GRM8: variants seen among roughly 807,000 people sequenced by gnomAD.
GRM8 encodes glutamate metabotropic receptor 8.
GRM8 carries 47 observed loss-of-function variants against 87.2 expected under a neutral mutation model. That is an observed-to-expected ratio of 0.54 (90% CI 0.43 to 0.69). GRM8 has a LOEUF of 0.69. GRM8 is among the 30% of genes least tolerant of loss of function. The pLI, the probability that GRM8 is intolerant of heterozygous loss-of-function variation, is 0.00. For missense variants in GRM8, 1,019 were observed against 1,139.2 expected, an observed-to-expected ratio of 0.89 and a Z score of 1.52; for synonymous variants, 396 against 404.5, an observed-to-expected ratio of 0.98 and a Z score of 0.25.
intron 2 of GRM8, among the ~76,000 whole-genome samples, chr7:127,202,338 T>A (rs151195712): frequency 6.3e-4 from 96 of 152,210 alleles, no homozygotes; most frequent in Middle Eastern, 3.4e-3. Flanking sequence ...CCACCACACC[T>A]GGCTAATTTC....
At chr7:127,097,359 C>T (rs1360427349) in intron 3 of GRM8, among the ~76,000 whole-genome samples, 1 of 152,172 alleles carries the variant, frequency 6.6e-6, no homozygotes, top group Non-Finnish European at 1.5e-5. Flanking sequence ...GGGTAGAATA[C>T]TTAGCCCAGA....
intron 7 of GRM8, among the ~76,000 whole-genome samples, chr7:126,721,314 C>G (rs560501725): frequency 6.6e-6 from 1 of 152,158 alleles, no homozygotes; most frequent in Non-Finnish European, 1.5e-5. Context: ...TACTGAAGTG[C>G]AGCCATCACT....
rs1554444586 is a variant in GRM8, at chr7:126,474,268, G to GTGTGTA, written c.2431-27897_2431-27896insTACACA. ...TTTGTGCATGTGTGTGTGTGTGTGT[G>GTGTGTA]TATATATATATATATTTGGAGACAG... On this transcript the variant is annotated intron_variant, in intron 9 of 10. Transcript: ENST00000339582. Among the ~76,000 whole-genome samples, 1,089 of 150,278 alleles carry GTGTGTA rather than the reference G, an allele frequency of 7.2e-3. 13 individuals are homozygous for GTGTGTA. The highest frequency in any genetic ancestry group is 0.035 in the Middle Eastern group (10 of 288).
At chr7:126,887,926 C>T (rs1800654827) in intron 6 of GRM8, among the ~76,000 whole-genome samples, 1 of 152,040 alleles carries the variant, frequency 6.6e-6, no homozygotes, top group African/African-American at 2.4e-5. Context: ...TAAACTTTTG[C>T]ACCAATTAAT....
At chr7:126,822,269 T>G (rs1794363761) in intron 6 of GRM8, among the ~76,000 whole-genome samples, 1 of 152,168 alleles carries the variant, frequency 6.6e-6, no homozygotes, top group African/African-American at 2.4e-5. Context: ...AACTCTCTTG[T>G]CATTTAAAGT....
At chr7:127,248,888 C>T (rs549593950) in intron 1 of GRM8, among the ~76,000 whole-genome samples, 9 of 152,228 alleles carry the variant, frequency 5.9e-5, no homozygotes, top group South Asian at 4.1e-4. Context: ...CTGGAAAGGA[C>T]GCAAGAAGAA....
intron 3 of GRM8, among the ~76,000 whole-genome samples, chr7:126,907,220 G>A (rs1802786094): frequency 6.8e-6 from 1 of 148,036 alleles, no homozygotes; most frequent in Admixed American, 6.8e-5. Context: ...AGGAAGAGAT[G>A]GAGGAGGAGG....
In GRM8 at chr7:126,560,625, T is replaced by C. The variant is rs576066563; in HGVS notation, c.1495-26738A>G. On this transcript the variant is annotated intron_variant, in intron 8 of 10. Coordinates refer to ENST00000339582, the MANE Select transcript of GRM8 (RefSeq NM_000845.3). ...TGGTAAATAGGCCTTATATAATAAA[T>C]ACATTATTTTCTATAACAGATTTCT... Among the ~76,000 whole-genome samples, 9 of 152,292 alleles carry C rather than the reference T, an allele frequency of 5.9e-5. No individual in the cohort carries two copies. The South Asian group carries it at 1.7e-3, about 28-fold the overall frequency.
At chr7:127,051,762 A>G in intron 3 of GRM8, among the ~76,000 whole-genome samples, 1 of 150,434 alleles carries the variant, frequency 6.6e-6, no homozygotes, top group African/African-American at 2.4e-5. Flanking sequence ...AAAAAAAAAA[A>G]AAAGCAGGTT....
At chr7:126,506,550 C>T (rs570826630) in intron 9 of GRM8, among the ~76,000 whole-genome samples, 5 of 152,048 alleles carry the variant, frequency 3.3e-5, no homozygotes, top group Non-Finnish European at 2.9e-5. Flanking sequence ...GAGGCCCAGG[C>T]GGGCAGATCA....
At chr7:127,009,846 CT>C (rs112101017) in intron 3 of GRM8, among the ~76,000 whole-genome samples, 1,878 of 150,958 alleles carry the variant, frequency 0.012, 40 homozygotes, top group African/African-American at 0.043. Flanking sequence ...ATCTATATGT[CT>C]TTTTTTTTCT....
intron 9 of GRM8, among the ~76,000 whole-genome samples, chr7:126,478,872 G>A (rs1303676505): frequency 1.3e-5 from 2 of 152,008 alleles, no homozygotes; most frequent in Non-Finnish European, 2.9e-5. Flanking sequence ...TTATGATAAA[G>A]AATATGAAGA....
intron 7 of GRM8, among the ~76,000 whole-genome samples, chr7:126,664,811 G>T (rs1805587850): frequency 6.6e-6 from 1 of 152,010 alleles, no homozygotes; most frequent in Non-Finnish European, 1.5e-5. Flanking sequence ...CACAGCAAAA[G>T]AAACTATCAA....
At chr7:127,045,311 GTT>G (rs1216209727) in intron 3 of GRM8, among the ~76,000 whole-genome samples, 19 of 142,198 alleles carry the variant, frequency 1.3e-4, no homozygotes, top group African/African-American at 4.4e-4. Flanking sequence ...ATTATCTGGA[GTT>G]TTTTTTTTTT....
chr7:127,018,775 G>C (rs1815967690), intron 3 of GRM8, among the ~76,000 whole-genome samples: 1 of 151,736 alleles, frequency 6.6e-6, no homozygotes, highest in African/African-American at 2.4e-5. Flanking sequence ...TTGAACAACA[G>C]GTTGGAAGTG....
intron 1 of GRM8, among the ~76,000 whole-genome samples, chr7:127,245,463 A>AT (rs560189461): frequency 3.3e-4 from 51 of 152,374 alleles, no homozygotes; most frequent in South Asian, 2.3e-3. Context: ...ATGGCTTTCA[A>AT]TTATAGACGA....
intron 3 of GRM8, among the ~76,000 whole-genome samples, chr7:126,969,170 T>G (rs775890014): frequency 2.6e-5 from 4 of 152,146 alleles, no homozygotes; most frequent in Non-Finnish European, 5.9e-5. Context: ...GCCCCAATGT[T>G]GATGGCTGCT....
At chr7:127,101,188 C>T (rs1170357803) in intron 3 of GRM8, among the ~76,000 whole-genome samples, 3 of 152,170 alleles carry the variant, frequency 2.0e-5, no homozygotes, top group African/African-American at 7.2e-5. Context: ...TCACAAATGA[C>T]CCCCAAGTCT....
chr7:126,738,001 G>C (rs769456324), intron 7 of GRM8, among the ~76,000 whole-genome samples: 2 of 152,150 alleles, frequency 1.3e-5, no homozygotes, highest in African/African-American at 4.8e-5. Context: ...AAGGTGAAAT[G>C]GGGTTTTGAA....
Sources: gnomAD v4.1 joint callset for allele counts (sites outside exome capture counted in the v4.1 genomes callset) on GRCh38, gnomAD v4.1.1 for gene constraint, MANE v1.5 for transcripts, NCBI Gene and HGNC (gene_info 2026-07-23, HGNC 2026-07-21) for gene names.